The following ZDHHC8 variants were observed in gnomAD, a reference collection of about 807,000 sequenced individuals.
ZDHHC8 encodes the protein palmitoyltransferase ZDHHC8.
A neutral mutation model predicts 61.2 loss-of-function variants in ZDHHC8; 24 were observed. The ratio of observed to expected loss-of-function variants is 0.39; its 90% CI spans 0.28 to 0.55. ZDHHC8 has a LOEUF of 0.55. Among genes scored for constraint, ZDHHC8 ranks in the 20% least tolerant of loss-of-function variants. The pLI, the probability that ZDHHC8 is intolerant of heterozygous loss-of-function variation, is 0.60. For synonymous variants in ZDHHC8, 523 were observed against 492.5 expected, an observed-to-expected ratio of 1.06 and a Z score of -0.82; for missense variants, 935 against 1,102.1, an observed-to-expected ratio of 0.85 and a Z score of 2.15.
chr22:20,139,912 G>T lies in ZDHHC8; in HGVS notation c.557+20G>T. ...CATCACGTATCCTTGGTTCCTGTGG[G>T]CCTCATTGCAGAGGCGATGTGGACC... On this transcript the variant is annotated intron_variant, in intron 4 of 10. Coordinates refer to ENST00000334554, the MANE Select transcript of ZDHHC8 (RefSeq NM_013373.4). The T allele has an allele frequency of 1.2e-6, 2 of 1,609,214 alleles. No individual in the cohort carries two copies. Among genetic ancestry groups the T allele is most frequent in the Non-Finnish European group, 1.7e-6 (2 of 1,178,422 alleles).
chr22:20,142,345 C>T (rs1183275212), intron 9 of ZDHHC8, among the ~76,000 whole-genome samples: 1 of 152,158 alleles, frequency 6.6e-6, no homozygotes, highest in Non-Finnish European at 1.5e-5. Context: ...GTCTGGTTGG[C>T]CAAGTGCATT....
chr22:20,133,814 C>A (rs2050398451), intron 1 of ZDHHC8, among the ~76,000 whole-genome samples: 1 of 152,064 alleles, frequency 6.6e-6, no homozygotes, highest in Non-Finnish European at 1.5e-5. Flanking sequence ...CCCCACACAC[C>A]CCCCATCTCC....
At chr22:20,145,096 C>T in intron 10 of ZDHHC8, 133 bp from the exon 11 acceptor site, 4 of 751,540 alleles carry the variant, frequency 5.3e-6, no homozygotes, top group Non-Finnish European at 8.0e-6. Context: ...AGGGCAGGGA[C>T]TGCACGGGGC....
chr22:20,135,489 T>G (rs116955623), intron 1 of ZDHHC8, among the ~76,000 whole-genome samples: 6,318 of 152,316 alleles, frequency 0.041, 179 homozygotes, highest in South Asian at 0.095. Context: ...GGCTTATCTC[T>G]GTCTGGGGCA....
chr22:20,143,495 C>G lies in ZDHHC8; in HGVS notation c.1865C>G (p.Pro622Arg), dbSNP rs199703022. 6.2e-6 allele frequency: 10 copies of G among 1,600,852 alleles called. No individual in the cohort carries two copies. Among genetic ancestry groups the G allele is most frequent in the Non-Finnish European group, 8.5e-6 (10 of 1,179,296 alleles). Residue 622 changes from proline to arginine, a missense_variant, in exon 10 of 11, where the codon CCT (proline) becomes CGT (arginine). Physicochemically the swap from Pro to Arg is moderately radical, Grantham distance 103 (BLOSUM62 -2). This residue lies in a region of ZDHHC8 where 692 missense variants were observed against 731.4 expected (regional missense o/e 0.95). Coordinates refer to ENST00000334554, the MANE Select transcript of ZDHHC8 (RefSeq NM_013373.4). ...CCCGGCTTCGGTGGCGCCCGCAACCCTGCCCTGCAGACGTCACTGTCCTCG... is the reference window on the plus strand; with the variant it reads ...CCCGGCTTCGGTGGCGCCCGCAACCGTGCCCTGCAGACGTCACTGTCCTCG... ...AGPGFGGARN[P>R]ALQTSLSSLS...
At chr22:20,133,250 G>A (rs2050392896) in intron 1 of ZDHHC8, among the ~76,000 whole-genome samples, 1 of 152,116 alleles carries the variant, frequency 6.6e-6, no homozygotes, top group African/African-American at 2.4e-5. Flanking sequence ...TGCTGGTGTG[G>A]GGCAGAGAGA....
Position 20,142,851 on chromosome 22 carries a change from A to G in ZDHHC8, c.1221A>G (p.Pro407=), listed in dbSNP as rs766322058. The change falls in exon 10 of 11, where the codon CCA becomes CCG. Residue 407 remains proline (P), a synonymous_variant. Transcript: ENST00000334554. ...EPSLDLPDYG[P]GGLHAAYPPS... is the part of the protein sequence containing the mutation. Reference sequence around the variant, plus strand: ...GCCTGGACCTCCCTGACTATGGGCCAGGGGGCCTGCATGCAGCCTACCCGC... The same window carrying G: ...GCCTGGACCTCCCTGACTATGGGCCGGGGGGCCTGCATGCAGCCTACCCGC... 1.9e-6 allele frequency: 3 copies of G among 1,612,440 alleles called. No individual in the cohort carries two copies. Among genetic ancestry groups the G allele is most frequent in the East Asian group, 2.2e-5 (1 of 44,882 alleles).
At chr22:20,140,071 G>A (rs376474346) in intron 4 of ZDHHC8, 44 bp from the exon 5 acceptor site, 5 of 1,607,218 alleles carry the variant, frequency 3.1e-6, no homozygotes, top group South Asian at 2.2e-5. Flanking sequence ...GCTGCGATGG[G>A]GTCTGCGGTG....
At chr22:20,133,818 C>A (rs902656726) in intron 1 of ZDHHC8, among the ~76,000 whole-genome samples, 1 of 152,116 alleles carries the variant, frequency 6.6e-6, no homozygotes. Context: ...ACACACCCCC[C>A]ATCTCCTGTC....
chr22:20,144,071 A>G (rs1487640801), intron 10 of ZDHHC8, among the ~76,000 whole-genome samples: 1 of 152,228 alleles, frequency 6.6e-6, no homozygotes, highest in East Asian at 1.9e-4. Context: ...TGGGGCCAGT[A>G]TCATGTGGCA....
chr22:20,139,161 G>T (rs376210909), intron 1 of ZDHHC8, 33 bp from the exon 2 acceptor site: 23 of 1,604,012 alleles, frequency 1.4e-5, no homozygotes, highest in Non-Finnish European at 1.9e-5. Context: ...TGCACCCCCA[G>T]ACTCCACTCT....
At chr22:20,133,512 T>A (rs554111177) in intron 1 of ZDHHC8, among the ~76,000 whole-genome samples, 14 of 152,236 alleles carry the variant, frequency 9.2e-5, no homozygotes, top group African/African-American at 2.4e-4. Context: ...GCAGATCACC[T>A]GAGGTCAGGA....
intron 1 of ZDHHC8, among the ~76,000 whole-genome samples, chr22:20,136,185 C>T (rs1271403756): frequency 6.6e-6 from 1 of 152,212 alleles, no homozygotes; most frequent in Non-Finnish European, 1.5e-5. Flanking sequence ...GCGGGCCAGA[C>T]ACTCCACCTC....
intron 1 of ZDHHC8, among the ~76,000 whole-genome samples, chr22:20,132,962 A>G (rs1490695916): frequency 2.0e-5 from 3 of 152,180 alleles, no homozygotes; most frequent in Non-Finnish European, 4.4e-5. Context: ...AGGTGGCACG[A>G]ACGATGGCCA....
chr22:20,141,424 G>A lies in ZDHHC8; in HGVS notation c.1019G>A (p.Ser340Asn). 2 of 1,613,128 alleles carry A rather than the reference G, an allele frequency of 1.2e-6. No individual in the cohort carries two copies. The highest frequency in any genetic ancestry group is 2.2e-5 in the South Asian group (2 of 91,052). ...TGACAGTGGTCTGCATCCCCAGAGA[G>A]TGCCCTGTCGGTGCAGAGGACCAGC... ...LQTPRPGSAE[S>N]ALSVQRTSPP... is the part of the protein sequence containing the mutation. The change falls in exon 9 of 11, where the codon AGT (serine) becomes AAT (asparagine). Residue 340 changes from serine (S) to asparagine (N), a missense_variant. Around this residue, in one of 3 missense-constraint regions of ZDHHC8, gnomAD observed 692 missense variants for 731.4 expected, o/e 0.95. Transcript: ENST00000334554.
At position 20,141,517 on chromosome 22, in the gene ZDHHC8, G is replaced by T; in HGVS notation, c.1112G>T (p.Gly371Val). The change falls in exon 9 of 11, where the codon GGA becomes GTA. Residue 371 changes from glycine (G) to valine (V), a missense_variant. Physicochemically the swap from Gly to Val is moderately radical, Grantham distance 109 (BLOSUM62 -3). Coordinates refer to ENST00000334554, the MANE Select transcript of ZDHHC8 (RefSeq NM_013373.4). Reference protein sequence around the residue: ...FPTGPKVPFCGPGEQVPGPDS... With the variant: ...FPTGPKVPFCVPGEQVPGPDS... The stretch of plus-strand genomic sequence containing the variant: ...ACGGGTCCCAAGGTGCCCTTCTGTG[G>T]ACCAGGCGAGCAGGTAAGGAGGCCT... The T allele has an allele frequency of 6.2e-7, 1 of 1,612,158 alleles. No homozygotes were observed. Among genetic ancestry groups the T allele is most frequent in the Non-Finnish European group, 8.5e-7 (1 of 1,179,660 alleles).
At chr22:20,144,046 A>G (rs962668750) in intron 10 of ZDHHC8, among the ~76,000 whole-genome samples, 18 of 152,134 alleles carry the variant, frequency 1.2e-4, no homozygotes, top group Admixed American at 7.9e-4. Context: ...GTGGGAGGCC[A>G]TGGGGCTTTC....
At chr22:20,132,407 A>G (rs62219902) in intron 1 of ZDHHC8, among the ~76,000 whole-genome samples, 39,289 of 152,068 alleles carry the variant, frequency 0.26, 5,391 homozygotes, top group Non-Finnish European at 0.31. Context: ...CCCCGAGGGG[A>G]CGTGGGCCAC....
rs1010334449 is a variant in ZDHHC8 at position 20,146,746 on chromosome 22, G to C, written c.*1346G>C. 1.7e-6 allele frequency: 2 copies of C among 1,203,358 alleles called. No homozygotes were observed. The highest frequency in any genetic ancestry group is 1.0e-6 in the Non-Finnish European group (1 of 970,024). The allele number at this position is 1,203,358 out of a possible 1,614,324, so 74.5% of individuals were successfully genotyped here. ...CTTGGGTCTGCCGCTACCCACAGGG[G>C]ACTCTCAGGAACCCGAGAGCTTGGG... On this transcript the variant is annotated 3_prime_UTR_variant, in exon 11 of 11. Coordinates refer to ENST00000334554, the MANE Select transcript of ZDHHC8 (RefSeq NM_013373.4).
Sources: allele counts gnomAD v4.1 joint callset (sites outside exome capture counted in the v4.1 genomes callset), GRCh38; gene constraint gnomAD v4.1.1; regional missense constraint gnomAD v4.1.1; transcripts MANE v1.5; gene names NCBI Gene and HGNC (gene_info 2026-07-23, HGNC 2026-07-21).